Variants in CEMIP2 observed in about 807,000 individuals in gnomAD.
CEMIP2 encodes cell surface hyaluronidase CEMIP2.
In CEMIP2, 79 loss-of-function variants were observed where a neutral mutation model predicts 146.9. That is an observed-to-expected ratio of 0.54 (90% CI 0.45 to 0.65). CEMIP2 has a LOEUF of 0.65. Among genes scored for constraint, CEMIP2 ranks in the 30% least tolerant of loss-of-function variants. The pLI is 0.00. For missense variants in CEMIP2, 1,596 were observed against 1,696.2 expected, an observed-to-expected ratio of 0.94 and a Z score of 1.04; for synonymous variants, 601 against 606.3, an observed-to-expected ratio of 0.99 and a Z score of 0.13.
At chr9:71,741,798 C>G in intron 4 of CEMIP2, among the ~76,000 whole-genome samples, 1 of 151,738 alleles carries the variant, frequency 6.6e-6, no homozygotes. Context: ...ACCACCACAC[C>G]CAGCTAATTT....
At position 71,730,029 on chromosome 9, in the gene CEMIP2, C is replaced by G; in HGVS notation, c.1979+19G>C. ...CAAAGGCCCTGACTCATGGGTTTTTCTCTCCGCCAATTACTCACATACAGT... is the reference window on the plus strand; with the variant it reads ...CAAAGGCCCTGACTCATGGGTTTTTGTCTCCGCCAATTACTCACATACAGT... On this transcript the variant is annotated intron_variant, in intron 9 of 23. Transcript: ENST00000377044. 6.2e-7 allele frequency: 1 copy of G among 1,614,128 alleles called. No homozygotes were observed. The highest frequency in any genetic ancestry group is 8.5e-7 in the Non-Finnish European group (1 of 1,179,998).
chr9:71,691,986 G>C (rs1487190464), intron 21 of CEMIP2, among the ~76,000 whole-genome samples: 1 of 152,050 alleles, frequency 6.6e-6, no homozygotes, highest in Non-Finnish European at 1.5e-5. Flanking sequence ...CCTAGCACCT[G>C]TAATCCCAGT....
At chr9:71,722,654 T>TA (rs11385294) in intron 11 of CEMIP2, 139 bp from the exon 12 acceptor site, 64,490 of 446,246 alleles carry the variant, frequency 0.14, 3,800 homozygotes, top group African/African-American at 0.35. Flanking sequence ...AAAGGTACTG[T>TA]AAAAAAAAAA....
At chr9:71,731,498 G>C (rs1026976772) in intron 7 of CEMIP2, among the ~76,000 whole-genome samples, 3 of 152,196 alleles carry the variant, frequency 2.0e-5, no homozygotes, top group Admixed American at 6.5e-5. Context: ...GGAGGCCAAG[G>C]TGGGCAAATT....
intron 1 of CEMIP2, among the ~76,000 whole-genome samples, chr9:71,766,398 G>T (rs1330184854): frequency 2.0e-5 from 3 of 152,112 alleles, no homozygotes; most frequent in African/African-American, 7.2e-5. Flanking sequence ...CTAAAATGTG[G>T]CTTGTCTTTC....
chr9:71,685,687 A>C, intron 23 of CEMIP2, 56 bp downstream of exon 23: 1 of 1,433,674 alleles, frequency 7.0e-7, no homozygotes, highest in Admixed American at 1.7e-5. Context: ...TTGCACCATA[A>C]AATTACCTAT....
chr9:71,718,539 A>G (rs2131928971), intron 12 of CEMIP2, among the ~76,000 whole-genome samples: 1 of 152,262 alleles, frequency 6.6e-6, no homozygotes, highest in Middle Eastern at 3.4e-3. Flanking sequence ...TGGGTTCAAT[A>G]TCATTAAAAT....
At chr9:71,733,343 G>A (rs1311575970) in intron 6 of CEMIP2, among the ~76,000 whole-genome samples, 1 of 152,140 alleles carries the variant, frequency 6.6e-6, no homozygotes, top group Non-Finnish European at 1.5e-5. Context: ...TAAATCTTGG[G>A]AGGACAGTTC....
At position 71,746,345 on chromosome 9, in the gene CEMIP2, T is replaced by TA. The variant is rs1564023051; in HGVS notation, c.332-5dup. The TA allele has an allele frequency of 1.9e-6, 3 of 1,613,744 alleles. No individual in the cohort carries two copies. Among genetic ancestry groups the TA allele is most frequent in the Non-Finnish European group, 2.5e-6 (3 of 1,179,770 alleles). ...GGATTTTGATCTGGGCAATTTTCTA[T>TA]AAACACATTGATATTCCATCCAACC... On this transcript the variant is annotated splice_polypyrimidine_tract_variant and splice_region_variant and intron_variant, in intron 2 of 23. Transcript: ENST00000377044.
At position 71,697,996 on chromosome 9, in the gene CEMIP2, CACAGCCTTGACAGAGT is replaced by C; in HGVS notation, c.3570_3585del (p.Leu1191AlafsTer64). 2.5e-6 allele frequency: 4 copies of C among 1,613,752 alleles called. No individual in the cohort carries two copies. The highest frequency in any genetic ancestry group is 3.4e-6 in the Non-Finnish European group (4 of 1,179,802). On this transcript the variant is annotated frameshift_variant, in exon 20 of 24. Transcript: ENST00000377044. LOFTEE classifies it high-confidence loss of function. ...TCATCCTTGTTTACCTGCCGAGTGC[CACAGCCTTGACAGAGT>C]CCAGTGAGCATGGCCGGCATCCGCT...
In CEMIP2 at chr9:71,730,848, T is replaced by C; in HGVS notation, c.1630A>G (p.Met544Val). Residue 544 changes from methionine to valine, a missense_variant, in exon 8 of 24, where the codon ATG (methionine) becomes GTG (valine). Transcript: ENST00000377044. ...TGAAAATGAACAGGGTATCGCCCCA[T>C]CTGCTGCTGACCCATGTGTTTCAAT... Reference protein sequence around the residue: ...VELKHMGQQQMGRYPVHFHLC... With the variant: ...VELKHMGQQQVGRYPVHFHLC... The C allele has an allele frequency of 6.2e-7, 1 of 1,614,180 alleles. No individual in the cohort carries two copies. The highest frequency in any genetic ancestry group is 8.5e-7 in the Non-Finnish European group (1 of 1,180,012).
intron 5 of CEMIP2, 117 bp from the exon 6 acceptor site, chr9:71,735,111 C>A: frequency 8.3e-7 from 1 of 1,204,216 alleles, no homozygotes; most frequent in Non-Finnish European, 1.1e-6. Flanking sequence ...CACGATTCAG[C>A]AAATTTTTAC....
intron 21 of CEMIP2, among the ~76,000 whole-genome samples, chr9:71,692,648 C>G (rs372512227): frequency 6.6e-6 from 1 of 152,088 alleles, no homozygotes; most frequent in African/African-American, 2.4e-5. Context: ...GTGGCTCACA[C>G]CTGTAATCCC....
rs1209181674 is a variant in CEMIP2, at chr9:71,733,612, G to A, written c.1394-1092C>T. Among the ~76,000 whole-genome samples the A allele has an allele frequency of 2.6e-5, 4 of 152,044 alleles. No homozygotes were observed. In the East Asian group the frequency reaches 5.8e-4, roughly 22 times the overall value. ...GCTCTACCTATTACTCTAAATTACTGAAAAACTAAAGAAGCACTTACTGAA... is the reference window on the plus strand; with the variant it reads ...GCTCTACCTATTACTCTAAATTACTAAAAAACTAAAGAAGCACTTACTGAA... On this transcript the variant is annotated intron_variant, in intron 6 of 23. Coordinates refer to ENST00000377044, the MANE Select transcript of CEMIP2 (RefSeq NM_013390.3).
At chr9:71,726,012 T>G (rs1823373374) in intron 10 of CEMIP2, among the ~76,000 whole-genome samples, 1 of 152,244 alleles carries the variant, frequency 6.6e-6, no homozygotes, top group Non-Finnish European at 1.5e-5. Context: ...TTATGCAGAA[T>G]TAAAACCAAA....
At chr9:71,745,647 C>T in intron 3 of CEMIP2, 68 bp from the exon 4 acceptor site, 1 of 1,443,292 alleles carries the variant, frequency 6.9e-7, no homozygotes, top group Non-Finnish European at 9.3e-7. Context: ...AAATAGATTT[C>T]ACCTTAAGTT....
chr9:71,705,066 A>G (rs1003341747), intron 17 of CEMIP2: 63 of 406,494 alleles, frequency 1.5e-4, no homozygotes, highest in Non-Finnish European at 2.6e-4. Flanking sequence ...CTTATTCATC[A>G]GAATATAAAA....
chr9:71,728,263 A>G (rs11142983), intron 10 of CEMIP2, among the ~76,000 whole-genome samples: 2,457 of 10,498 alleles, frequency 0.23, 579 homozygotes, highest in Non-Finnish European at 0.38. Context: ...ATATACACGT[A>G]TATATATATA....
At chr9:71,697,950 T>C (rs1479875281) in intron 20 of CEMIP2, 35 bp downstream of exon 20, 1 of 1,595,264 alleles carries the variant, frequency 6.3e-7, no homozygotes, top group East Asian at 2.2e-5. Context: ...TGACTTTTTC[T>C]CCTTGGCCAC....
Sources: gnomAD v4.1 joint callset for allele counts (sites outside exome capture counted in the v4.1 genomes callset) on GRCh38, gnomAD v4.1.1 for gene constraint, MANE v1.5 for transcripts, NCBI Gene and HGNC (gene_info 2026-07-23, HGNC 2026-07-21) for gene names.